Variants in ACOT1 observed in about 807,000 individuals in gnomAD.
ACOT1 encodes acyl-coenzyme A thioesterase 1.
In ACOT1, 8 loss-of-function variants were observed where a neutral mutation model predicts 15.7. The ratio of observed to expected loss-of-function variants is 0.51; its 90% confidence interval spans 0.30 to 0.92. The LOEUF (loss-of-function observed/expected upper bound fraction) is 0.92. ACOT1 is among the 40% of genes least tolerant of loss of function. ACOT1 has a pLI of 0.06. For missense variants in ACOT1, 151 were observed against 539.4 expected (o/e 0.28, Z 7.13); for synonymous variants, 67 against 241.2 (o/e 0.28, Z 6.69).
the ACOT1 span, among the ~76,000 whole-genome samples, chr14:73,499,302 G>A: frequency 6.6e-6 from 1 of 152,120 alleles, no homozygotes; most frequent in African/African-American, 2.4e-5. Context: ...CCAACATGGT[G>A]AAACCCTGTC....
the ACOT1 span, among the ~76,000 whole-genome samples, chr14:73,495,057 CAAACA>C: frequency 2.3e-5 from 2 of 86,148 alleles, no homozygotes; most frequent in Non-Finnish European, 4.9e-5. Flanking sequence ...GAGAAACAAA[CAAACA>C]AAAAAAAAAC....
chr14:73,496,455 C>A, the ACOT1 span: 1 of 593,258 alleles, frequency 1.7e-6, no homozygotes, highest in South Asian at 2.2e-5. Context: ...TTTGCATCTT[C>A]AAATGATGTG....
chr14:73,536,513 C>CT (rs1269390598), upstream of ACOT1, among the ~76,000 whole-genome samples: 1 of 54,602 alleles, frequency 1.8e-5, no homozygotes, highest in African/African-American at 7.4e-5. Context: ...GACCCTGTCT[C>CT]TTTAAAAAAA....
chr14:73,491,544 G>A, the ACOT1 span: 1 of 1,533,790 alleles, frequency 6.5e-7, no homozygotes, highest in Non-Finnish European at 8.7e-7. Flanking sequence ...GATAACACGG[G>A]TGGGGAGCCG....
At chr14:73,493,954 T>A in the ACOT1 span, among the ~76,000 whole-genome samples, 2 of 152,258 alleles carry the variant, frequency 1.3e-5, no homozygotes, top group Non-Finnish European at 2.9e-5. Context: ...AATTATTTTC[T>A]ACCAGCTTGT....
chr14:73,495,321 T>C, the ACOT1 span: 3 of 1,614,056 alleles, frequency 1.9e-6, no homozygotes, highest in South Asian at 3.3e-5. Context: ...TCCCTCACTT[T>C]TCCCATGACC....
At chr14:73,498,137 C>T in the ACOT1 span, 1 of 1,591,062 alleles carries the variant, frequency 6.3e-7, no homozygotes, top group African/African-American at 1.3e-5. Context: ...TGGTGGGAGC[C>T]AGAGGTTTAG....
At chr14:73,513,879 G>A in the ACOT1 span, 1 of 690,134 alleles carries the variant, frequency 1.4e-6, no homozygotes, top group East Asian at 2.7e-5. Context: ...AACACCCAAT[G>A]TGTGAAAGGC....
the ACOT1 span, chr14:73,523,116 G>C: frequency 3.1e-6 from 5 of 1,606,598 alleles, no homozygotes; most frequent in Non-Finnish European, 4.2e-6. Context: ...TAGAAGCAAT[G>C]GGGGAGAAAG....
the ACOT1 span, among the ~76,000 whole-genome samples, chr14:73,501,169 A>G: frequency 6.7e-6 from 1 of 150,278 alleles, no homozygotes; most frequent in East Asian, 2.0e-4. Flanking sequence ...CCCAGGCTGG[A>G]GTGCAGTGGC....
the ACOT1 span, among the ~76,000 whole-genome samples, chr14:73,531,474 G>T: frequency 9.9e-6 from 1 of 100,944 alleles, no homozygotes; most frequent in Non-Finnish European, 2.1e-5. Context: ...AGGCTGGAGT[G>T]CAGTGGTGTG....
the ACOT1 span, among the ~76,000 whole-genome samples, chr14:73,508,550 AC>A: frequency 2.0e-5 from 3 of 152,092 alleles, no homozygotes; most frequent in African/African-American, 4.8e-5. Context: ...GGAGTTCAAG[AC>A]CAGCCTGGCC....
the ACOT1 span, among the ~76,000 whole-genome samples, chr14:73,507,954 C>T: frequency 0.16 from 23,693 of 152,126 alleles, 2,231 homozygotes; most frequent in East Asian, 0.3. Context: ...CCATGTTGGC[C>T]AGTCTGGTCT....
chr14:73,530,648 TGTTTGTTTG>T, the ACOT1 span: 45 of 103,380 alleles, frequency 4.4e-4, 1 homozygote, highest in South Asian at 9.4e-4. Flanking sequence ...ATTTGTTTTT[TGTTTGTTTG>T]TTTTTTTGAG....
chr14:73,521,000 G>T, the ACOT1 span: 1 of 1,613,722 alleles, frequency 6.2e-7, no homozygotes, highest in Non-Finnish European at 8.5e-7. Context: ...TGCCAGGCAT[G>T]ATCTCAACTG....
the ACOT1 span, among the ~76,000 whole-genome samples, chr14:73,505,826 A>T: frequency 6.6e-6 from 1 of 151,532 alleles, no homozygotes; most frequent in Non-Finnish European, 1.5e-5. Flanking sequence ...GGCGGGGGGG[A>T]AATATGTCAT....
the ACOT1 span, chr14:73,517,367 A>G: frequency 6.6e-6 from 1 of 152,208 alleles, no homozygotes; most frequent in South Asian, 2.1e-4. Flanking sequence ...TTCAAGCTCA[A>G]TAAAGCTGTT....
the ACOT1 span, chr14:73,498,191 T>A: frequency 1.9e-6 from 3 of 1,613,788 alleles, no homozygotes; most frequent in South Asian, 3.3e-5. Context: ...GAGCAGCACG[T>A]CTAGGAAGGT....
At chr14:73,494,719 TTTTA>T in the ACOT1 span, among the ~76,000 whole-genome samples, 4 of 151,898 alleles carry the variant, frequency 2.6e-5, no homozygotes, top group African/African-American at 9.7e-5. Flanking sequence ...CCCAGATAAT[TTTTA>T]TTTATTTATT....
Sources: allele counts gnomAD v4.1 joint callset (sites outside exome capture counted in the v4.1 genomes callset), GRCh38; gene constraint gnomAD v4.1.1; transcripts MANE v1.5; gene names NCBI Gene and HGNC (gene_info 2026-07-23, HGNC 2026-07-21).